Variants in LINGO2 observed in about 807,000 individuals in gnomAD.
LINGO2 encodes the protein leucine rich repeat and Ig domain containing 2, also known as leucine-rich repeat and immunoglobulin-like domain-containing nogo receptor-interacting protein 2.
Under a neutral mutation model 30.6 loss-of-function variants are expected in LINGO2, and 14 were observed. That is an observed-to-expected ratio of 0.46 (90% CI 0.30 to 0.72). The LOEUF is 0.72. Ranked by LOEUF, LINGO2 falls within the 30% of genes least tolerant of loss-of-function variation. The pLI is 0.07. For missense variants in LINGO2, 729 were observed against 751.7 expected (o/e 0.97, Z 0.35); for synonymous variants, 317 against 288.5 (o/e 1.10, Z -1.00).
the LINGO2 span, among the ~76,000 whole-genome samples, chr9:28,830,455 T>A: frequency 6.6e-3 from 997 of 152,154 alleles, 12 homozygotes; most frequent in African/African-American, 0.023. Flanking sequence ...ACTGAAGGCT[T>A]TGAAAACCAA....
chr9:28,496,914 A>C (rs1819654179), intron 1 of LINGO2, among the ~76,000 whole-genome samples: 1 of 152,178 alleles, frequency 6.6e-6, no homozygotes. Context: ...TCCTTCTCTT[A>C]AGAAGCTTAG....
At chr9:28,972,586 G>A in the LINGO2 span, among the ~76,000 whole-genome samples, 3 of 152,148 alleles carry the variant, frequency 2.0e-5, no homozygotes, top group African/African-American at 7.2e-5. Context: ...TAGTGAGCTT[G>A]AAGACAGGCT....
the LINGO2 span, among the ~76,000 whole-genome samples, chr9:28,852,666 G>A: frequency 6.6e-6 from 1 of 151,902 alleles, no homozygotes; most frequent in African/African-American, 2.4e-5. Flanking sequence ...TGTGATGCTG[G>A]CTTTTTCTAG....
chr9:28,101,184 A>T (rs907773450), intron 4 of LINGO2, among the ~76,000 whole-genome samples: 1 of 152,112 alleles, frequency 6.6e-6, no homozygotes, highest in Admixed American at 6.6e-5. Context: ...TTTGTTTTTG[A>T]TACATATGGT....
the LINGO2 span, among the ~76,000 whole-genome samples, chr9:28,879,339 A>T: frequency 1.3e-5 from 2 of 152,312 alleles, no homozygotes; most frequent in South Asian, 4.1e-4. Context: ...CACTGAACTT[A>T]ACCATAAGTA....
the LINGO2 span, among the ~76,000 whole-genome samples, chr9:28,894,695 G>A: frequency 6.6e-6 from 1 of 151,764 alleles, no homozygotes; most frequent in African/African-American, 2.4e-5. Context: ...ATATGACAGA[G>A]TGTAAAATAT....
intron 4 of LINGO2, among the ~76,000 whole-genome samples, chr9:28,118,512 T>C (rs1827000630): frequency 6.6e-6 from 1 of 152,120 alleles, no homozygotes; most frequent in Non-Finnish European, 1.5e-5. Flanking sequence ...TATCTAACTT[T>C]GGAGTGGCAA....
the LINGO2 span, among the ~76,000 whole-genome samples, chr9:28,819,272 A>C: frequency 1.1e-4 from 16 of 152,082 alleles, no homozygotes; most frequent in African/African-American, 3.9e-4. Context: ...CTTTCATCCA[A>C]TTCTTTTCAG....
chr9:28,641,540 G>T (rs1479222988), intron 1 of LINGO2, among the ~76,000 whole-genome samples: 1 of 152,154 alleles, frequency 6.6e-6, no homozygotes, highest in African/African-American at 2.4e-5. Context: ...AACTAGAGGA[G>T]ACCCAACATA....
intron 1 of LINGO2, among the ~76,000 whole-genome samples, chr9:28,643,221 G>A (rs1054830867): frequency 6.6e-6 from 1 of 151,902 alleles, no homozygotes; most frequent in Non-Finnish European, 1.5e-5. Context: ...AAAAGACCCA[G>A]AAGAGCCACA....
chr9:28,195,455 CAT>C (rs1274896448), intron 4 of LINGO2, among the ~76,000 whole-genome samples: 1 of 150,608 alleles, frequency 6.6e-6, no homozygotes, highest in Non-Finnish European at 1.5e-5. Context: ...AAAATAGAAA[CAT>C]GGGATATGGA....
chr9:28,883,062 C>A, the LINGO2 span, among the ~76,000 whole-genome samples: 1 of 152,156 alleles, frequency 6.6e-6, no homozygotes, highest in Non-Finnish European at 1.5e-5. Context: ...AGAATAAAAA[C>A]CAAAGCCCTT....
chr9:29,119,266 G>C, the LINGO2 span, among the ~76,000 whole-genome samples: 1 of 152,100 alleles, frequency 6.6e-6, no homozygotes, highest in African/African-American at 2.4e-5. Context: ...CTATGGAATG[G>C]AAGAAATTAT....
chr9:28,405,656 C>T (rs1036535948), intron 2 of LINGO2, among the ~76,000 whole-genome samples: 4 of 152,084 alleles, frequency 2.6e-5, no homozygotes, highest in Admixed American at 1.3e-4. Context: ...TACTTTATTG[C>T]TGTGCTTGTT....
At chr9:28,353,987 A>C (rs924497324) in intron 3 of LINGO2, among the ~76,000 whole-genome samples, 1 of 151,766 alleles carries the variant, frequency 6.6e-6, no homozygotes, top group Admixed American at 6.6e-5. Flanking sequence ...GGAATATCAC[A>C]CTCTGGGGCC....
intron 4 of LINGO2, among the ~76,000 whole-genome samples, chr9:28,260,239 ATTTTTT>A (rs368518485): frequency 7.1e-6 from 1 of 141,212 alleles, no homozygotes; most frequent in African/African-American, 2.6e-5. Flanking sequence ...ATGACTTGTA[ATTTTTT>A]TTTTTTTTTT....
In LINGO2 at chr9:28,657,451, G is replaced by A. The variant is rs189032582; in HGVS notation, c.-365+12749C>T. ...TCTTTACTAATTACAGGTTTATTCA[G>A]ATTTTCTATTTCTTCATGACTTATT... On this transcript the variant is annotated intron_variant, in intron 1 of 5. Coordinates refer to ENST00000379992, the Ensembl canonical transcript of LINGO2. 1.2e-3 allele frequency among the ~76,000 whole-genome samples: 177 copies of A among 151,826 alleles called. No individual in the cohort carries two copies. In the Middle Eastern group the frequency reaches 0.024, roughly 20 times the overall value.
chr9:28,000,590 C>T (rs1373940579), intron 5 of LINGO2, among the ~76,000 whole-genome samples: 1 of 152,204 alleles, frequency 6.6e-6, no homozygotes, highest in East Asian at 1.9e-4. Flanking sequence ...ACAATCTCTG[C>T]ATTCCTGACA....
chr9:28,329,195 C>T lies in LINGO2; in HGVS notation c.-245-33829G>A, dbSNP rs777348254. On this transcript the variant is annotated intron_variant, in intron 3 of 5. Transcript: ENST00000379992. This position sits in a 1 kb window ranked among gnomAD's most constrained non-coding sequence, Gnocchi z 4.5. Reference sequence around the variant, plus strand: ...CCAAGCCTCCAGTTTCCAAAGGAGCCGAGATTTCCTAATAGTCTAATTGTG... The same window carrying T: ...CCAAGCCTCCAGTTTCCAAAGGAGCTGAGATTTCCTAATAGTCTAATTGTG... 9.9e-5 allele frequency among the ~76,000 whole-genome samples: 15 copies of T among 152,174 alleles called. No homozygotes were observed. The highest frequency in any genetic ancestry group is 5.8e-4 in the East Asian group (3 of 5,180).
Sources: allele counts gnomAD v4.1 joint callset (sites outside exome capture counted in the v4.1 genomes callset), GRCh38; gene constraint gnomAD v4.1.1; non-coding constraint Gnocchi (gnomAD v3.1); transcripts MANE v1.5; gene names NCBI Gene and HGNC (gene_info 2026-07-23, HGNC 2026-07-21).